SUGCT: variants seen among roughly 807,000 people sequenced by gnomAD.
SUGCT encodes the protein succinyl-CoA:glutarate-CoA transferase, also known as succinyl-CoA:glutarate CoA-transferase.
A neutral mutation model predicts 55.0 loss-of-function variants in SUGCT; 41 were observed. The observed-to-expected ratio is 0.74, with a 90% CI of 0.58 to 0.97. The LOEUF is 0.97. Among genes scored for constraint, SUGCT ranks in the 50% least tolerant of loss-of-function variants. The probability of loss-of-function intolerance (pLI) is 0.00; values close to 1 mark genes in which losing one functional copy is unlikely to be tolerated. For synonymous variants in SUGCT, 187 were observed against 200.4 expected, an observed-to-expected ratio of 0.93 and a Z score of 0.56; for missense variants, 568 against 547.8, an observed-to-expected ratio of 1.04 and a Z score of -0.37.
intron 12 of SUGCT, among the ~76,000 whole-genome samples, chr7:40,648,217 A>G (rs1236158972): frequency 6.6e-6 from 1 of 152,220 alleles, no homozygotes; most frequent in African/African-American, 2.4e-5. Flanking sequence ...ATTTTTCTGT[A>G]TATATATACA....
At chr7:40,797,514 C>T (rs915759515) in intron 13 of SUGCT, among the ~76,000 whole-genome samples, 10 of 152,162 alleles carry the variant, frequency 6.6e-5, no homozygotes, top group African/African-American at 2.4e-4. Flanking sequence ...CTCTTATTCC[C>T]CACATCCATC....
chr7:40,527,998 T>G (rs964158464), intron 12 of SUGCT, among the ~76,000 whole-genome samples: 1 of 152,210 alleles, frequency 6.6e-6, no homozygotes, highest in Non-Finnish European at 1.5e-5. Context: ...TGGATAGATA[T>G]AAGTACAACA....
At chr7:40,666,419 GTTTTT>G (rs70990637) in intron 12 of SUGCT, among the ~76,000 whole-genome samples, 1 of 72,234 alleles carries the variant, frequency 1.4e-5, no homozygotes, top group African/African-American at 7.0e-5. Context: ...TTATAGGTTA[GTTTTT>G]TTTTTTTTTT....
intron 9 of SUGCT, among the ~76,000 whole-genome samples, chr7:40,373,998 G>A (rs537234113): frequency 6.6e-6 from 1 of 152,012 alleles, no homozygotes. Context: ...GTTAATTTTT[G>A]TTGTTGTTGT....
intron 13 of SUGCT, among the ~76,000 whole-genome samples, chr7:40,766,533 A>G (rs1187746443): frequency 6.6e-6 from 1 of 152,172 alleles, no homozygotes; most frequent in Non-Finnish European, 1.5e-5. Context: ...TTGTTCCTGC[A>G]AATCTAAATT....
intron 11 of SUGCT, among the ~76,000 whole-genome samples, chr7:40,480,257 C>A (rs1415930537): frequency 6.6e-6 from 1 of 152,088 alleles, no homozygotes; most frequent in Non-Finnish European, 1.5e-5. Flanking sequence ...TTTCTCACCA[C>A]CATTTTTTGA....
At chr7:40,903,592 C>T in the SUGCT span, among the ~76,000 whole-genome samples, 3 of 152,248 alleles carry the variant, frequency 2.0e-5, no homozygotes, top group East Asian at 5.8e-4. Flanking sequence ...TCTCCCAGTA[C>T]CTCAGAATGA....
intron 7 of SUGCT, among the ~76,000 whole-genome samples, chr7:40,258,102 A>C (rs1399532047): frequency 6.6e-6 from 1 of 152,050 alleles, no homozygotes; most frequent in African/African-American, 2.4e-5. Flanking sequence ...TCTAAAATCT[A>C]TGCACATACT....
At chr7:40,768,663 C>G (rs1462394890) in intron 13 of SUGCT, among the ~76,000 whole-genome samples, 1 of 152,182 alleles carries the variant, frequency 6.6e-6, no homozygotes, top group African/African-American at 2.4e-5. Flanking sequence ...AAACTGAGCC[C>G]TATAGGCCGT....
chr7:40,789,999 T>A (rs1429736209), intron 13 of SUGCT, among the ~76,000 whole-genome samples: 1 of 152,176 alleles, frequency 6.6e-6, no homozygotes, highest in Non-Finnish European at 1.5e-5. Flanking sequence ...AAAATAAGAT[T>A]TATCTGTAAA....
At chr7:40,768,200 A>G (rs1788901355) in intron 13 of SUGCT, among the ~76,000 whole-genome samples, 1 of 152,122 alleles carries the variant, frequency 6.6e-6, no homozygotes, top group Non-Finnish European at 1.5e-5. Flanking sequence ...TCAGCAGGTA[A>G]GATTCCATAG....
chr7:40,499,096 T>A (rs748317075), intron 12 of SUGCT: 28 of 456,632 alleles, frequency 6.1e-5, no homozygotes, highest in Non-Finnish European at 9.3e-5. Context: ...TCTGTTCAGA[T>A]GTGGGAACGC....
chr7:40,218,917 G>A (rs1332087671), intron 6 of SUGCT, among the ~76,000 whole-genome samples: 1 of 152,160 alleles, frequency 6.6e-6, no homozygotes, highest in African/African-American at 2.4e-5. Flanking sequence ...CTGGCCACCC[G>A]AGCCAGTGGC....
At chr7:40,597,720 C>T (rs994650102) in intron 12 of SUGCT, among the ~76,000 whole-genome samples, 2 of 152,230 alleles carry the variant, frequency 1.3e-5, no homozygotes, top group African/African-American at 4.8e-5. Context: ...ACAGTGGCTT[C>T]TTTGTCAGCC....
At chr7:40,265,461 T>TC (rs1412440581) in intron 7 of SUGCT, among the ~76,000 whole-genome samples, 8 of 152,160 alleles carry the variant, frequency 5.3e-5, no homozygotes, top group Non-Finnish European at 1.2e-4. Context: ...TGTCCCTCTC[T>TC]CCCCCCTCCT....
At chr7:40,149,960 G>A (rs1788466327) in intron 1 of SUGCT, among the ~76,000 whole-genome samples, 1 of 152,068 alleles carries the variant, frequency 6.6e-6, no homozygotes, top group Non-Finnish European at 1.5e-5. Flanking sequence ...GGGTGTGCTG[G>A]TGTGTCCCTG....
chr7:40,892,630 T>C, the SUGCT span, among the ~76,000 whole-genome samples: 13 of 152,058 alleles, frequency 8.5e-5, no homozygotes, highest in Non-Finnish European at 1.5e-5. Flanking sequence ...AACTCCTGGG[T>C]TCAAGCAATC....
intron 9 of SUGCT, among the ~76,000 whole-genome samples, chr7:40,433,393 TG>T: frequency 6.6e-6 from 1 of 152,102 alleles, no homozygotes; most frequent in Non-Finnish European, 1.5e-5. Flanking sequence ...AAAAAGTATG[TG>T]ACATATAATT....
intron 11 of SUGCT, among the ~76,000 whole-genome samples, chr7:40,478,820 C>G (rs1790857101): frequency 6.6e-6 from 1 of 152,066 alleles, no homozygotes; most frequent in African/African-American, 2.4e-5. Context: ...CAAGATATCC[C>G]TCTCCCATAA....
Sources: allele counts gnomAD v4.1 joint callset (sites outside exome capture counted in the v4.1 genomes callset), GRCh38; gene constraint gnomAD v4.1.1; transcripts MANE v1.5; gene names NCBI Gene and HGNC (gene_info 2026-07-23, HGNC 2026-07-21).